The following RBFOX1 variants were observed in gnomAD, a reference collection of about 807,000 sequenced individuals.
RBFOX1 encodes RNA binding fox-1 homolog 1, also known as RNA binding protein fox-1 homolog 1.
In RBFOX1, 8 loss-of-function variants were observed where a neutral mutation model predicts 57.7. That is an observed-to-expected ratio of 0.14 (90% confidence interval 0.08 to 0.25). The LOEUF (loss-of-function observed/expected upper bound fraction) is 0.25, where lower values mean the gene tolerates loss of function less well. Ranked by LOEUF, RBFOX1 falls within the 10% of genes least tolerant of loss-of-function variation. The pLI is 1.00. For synonymous variants in RBFOX1, 326 were observed against 222.4 expected (o/e 1.47, Z -4.15); for missense variants, 611 against 548.5 (o/e 1.11, Z -1.14).
intron 3 of RBFOX1, among the ~76,000 whole-genome samples, chr16:5,785,619 CTGGGTTCAAG>C (rs1210186705): frequency 2.0e-5 from 3 of 152,110 alleles, no homozygotes; most frequent in Admixed American, 6.6e-5. Flanking sequence ...CCTCTGCCTC[CTGGGTTCAAG>C]TGATTCTCCT....
chr16:5,454,873 T>TC (rs1309080071), intron 1 of RBFOX1, among the ~76,000 whole-genome samples: 1 of 99,638 alleles, frequency 1.0e-5, no homozygotes, highest in African/African-American at 3.6e-5. Context: ...TTTCTTTCTT[T>TC]CTTTCTTTCT....
At chr16:6,257,797 G>A (rs935789189) in intron 1 of RBFOX1, among the ~76,000 whole-genome samples, 15 of 152,106 alleles carry the variant, frequency 9.9e-5, no homozygotes, top group Non-Finnish European at 1.8e-4. Flanking sequence ...ATGGATATGC[G>A]CTACATTTTC....
At chr16:5,780,917 A>T (rs1269118693) in intron 3 of RBFOX1, among the ~76,000 whole-genome samples, 1 of 152,200 alleles carries the variant, frequency 6.6e-6, no homozygotes, top group East Asian at 1.9e-4. Context: ...CGTGTCTAGA[A>T]AGAGCTTTGT....
chr16:7,546,014 T>TAAA lies in RBFOX1; in HGVS notation c.270+27639_270+27641dup, dbSNP rs71150312. ...CTATTATTCTGTGACTCTGAGCTTA[T>TAAA]AAAAAAAAAAAAAAAAGAAAAAGAA... On this transcript the variant is annotated intron_variant, in intron 5 of 15. Transcript: ENST00000550418. Among the ~76,000 whole-genome samples the TAAA allele has an allele frequency of 2.2e-3, 296 of 134,122 alleles. 3 individuals carry two copies. The highest frequency in any genetic ancestry group is 7.8e-3 in the African/African-American group (270 of 34,712). 88.0% of individuals were successfully genotyped at this position (134,122 alleles called of 152,430 possible).
intron 4 of RBFOX1, among the ~76,000 whole-genome samples, chr16:7,315,467 C>A (rs1437512405): frequency 1.3e-5 from 2 of 149,898 alleles, no homozygotes; most frequent in Non-Finnish European, 3.0e-5. Flanking sequence ...CCCCCCCCCC[C>A]ATACTGGGGG....
chr16:6,511,178 A>C (rs1417132441), intron 2 of RBFOX1, among the ~76,000 whole-genome samples: 1 of 152,120 alleles, frequency 6.6e-6, no homozygotes. Context: ...GCCTCTGGAA[A>C]ATCCCAAAAG....
intron 3 of RBFOX1, among the ~76,000 whole-genome samples, chr16:6,786,392 C>G (rs1282511526): frequency 1.3e-5 from 2 of 152,134 alleles, no homozygotes; most frequent in Non-Finnish European, 2.9e-5. Context: ...TCTTCTTGTA[C>G]CTTTGGGCTT....
intron 1 of RBFOX1, among the ~76,000 whole-genome samples, chr16:6,152,816 C>T (rs566122855): frequency 1.3e-5 from 2 of 152,148 alleles, no homozygotes; most frequent in East Asian, 3.9e-4. Flanking sequence ...AAAAAAATGC[C>T]CTCTTAGAGA....
intron 4 of RBFOX1, among the ~76,000 whole-genome samples, chr16:7,256,463 C>A (rs1007647460): frequency 6.6e-6 from 1 of 152,178 alleles, no homozygotes; most frequent in African/African-American, 2.4e-5. Context: ...TTATTGCTGA[C>A]CTTTCACCAA....
chr16:6,740,825 T>C (rs1423241697), intron 3 of RBFOX1, among the ~76,000 whole-genome samples: 3 of 152,170 alleles, frequency 2.0e-5, no homozygotes, highest in Non-Finnish European at 4.4e-5. Flanking sequence ...ATGCAATCAT[T>C]TCAAAATATC....
At position 6,639,609 on chromosome 16, in the gene RBFOX1, G is replaced by A. The variant is rs1024457463; in HGVS notation, c.-63-14994G>A. On this transcript the variant is annotated intron_variant, in intron 2 of 15. Transcript: ENST00000550418. ...TTACAATTGTGGGCCGGGCACGGTG[G>A]CTCACGCCTGTAATCCCAGCACTTT... Among the ~76,000 whole-genome samples, 16 of 152,310 alleles carry A rather than the reference G, an allele frequency of 1.1e-4. No homozygotes were observed. The South Asian group carries it at 3.3e-3, about 32-fold the overall frequency.
chr16:7,634,273 C>T (rs1159481766), intron 11 of RBFOX1, among the ~76,000 whole-genome samples: 1 of 152,114 alleles, frequency 6.6e-6, no homozygotes. Context: ...GTGTAAATTA[C>T]ACTTTTGTAT....
chr16:6,847,586 T>C (rs1363807730), intron 3 of RBFOX1, among the ~76,000 whole-genome samples: 2 of 151,812 alleles, frequency 1.3e-5, no homozygotes, highest in Non-Finnish European at 2.9e-5. Context: ...GCTGAAAAGT[T>C]GCATGGCAAA....
intron 4 of RBFOX1, among the ~76,000 whole-genome samples, chr16:7,504,951 C>T (rs1268866276): frequency 2.0e-5 from 3 of 149,590 alleles, no homozygotes; most frequent in African/African-American, 7.5e-5. Context: ...AAGCCCTACG[C>T]AGCATGCCTT....
chr16:6,643,969 TA>T (rs535781966), intron 2 of RBFOX1, among the ~76,000 whole-genome samples: 1 of 151,466 alleles, frequency 6.6e-6, no homozygotes, highest in Non-Finnish European at 1.5e-5. Flanking sequence ...GTACTAAAAA[TA>T]AAAAAAATAG....
intron 3 of RBFOX1, among the ~76,000 whole-genome samples, chr16:6,986,504 C>T (rs955376210): frequency 4.6e-5 from 7 of 152,158 alleles, no homozygotes; most frequent in African/African-American, 1.2e-4. Context: ...CAGCCCCAGG[C>T]TGGTTTTGAA....
At chr16:5,350,463 G>A (rs2065237688) in intron 1 of RBFOX1, among the ~76,000 whole-genome samples, 1 of 152,168 alleles carries the variant, frequency 6.6e-6, no homozygotes, top group East Asian at 1.9e-4. Context: ...TAACAGTGTG[G>A]TTTTGGGTCC....
chr16:6,984,883 C>A (rs1455390099), intron 3 of RBFOX1, among the ~76,000 whole-genome samples: 1 of 152,048 alleles, frequency 6.6e-6, no homozygotes, highest in East Asian at 1.9e-4. Flanking sequence ...TCAGCTGATC[C>A]ACCTGCCTCA....
intron 3 of RBFOX1, among the ~76,000 whole-genome samples, chr16:7,025,256 T>C (rs2040543433): frequency 6.6e-6 from 1 of 152,164 alleles, no homozygotes; most frequent in Non-Finnish European, 1.5e-5. Context: ...AACTCTGTGA[T>C]GTTGCCATGG....
Sources: gnomAD v4.1 joint callset for allele counts (sites outside exome capture counted in the v4.1 genomes callset) on GRCh38, gnomAD v4.1.1 for gene constraint, MANE v1.5 for transcripts, NCBI Gene and HGNC (gene_info 2026-07-23, HGNC 2026-07-21) for gene names.